The following GASK1B variants were observed in gnomAD, a reference collection of about 807,000 sequenced individuals.
GASK1B encodes golgi associated kinase 1B.
In GASK1B, 34 loss-of-function variants were observed where a neutral mutation model predicts 42.8. The ratio of observed to expected loss-of-function variants is 0.79; its 90% CI spans 0.60 to 1.06. The LOEUF is 1.06. GASK1B is among the 50% of genes least tolerant of loss of function. GASK1B has a pLI of 0.00. For synonymous variants in GASK1B, 262 were observed against 259.1 expected (o/e 1.01, Z -0.11); for missense variants, 686 against 661.0 (o/e 1.04, Z -0.42).
At chr4:158,151,921 G>T (rs1270844983) in intron 3 of GASK1B, among the ~76,000 whole-genome samples, 6 of 152,168 alleles carry the variant, frequency 3.9e-5, no homozygotes, top group Non-Finnish European at 8.8e-5. Context: ...GACTGGGAGA[G>T]GCAGACCCAC....
intron 3 of GASK1B, among the ~76,000 whole-genome samples, chr4:158,140,299 A>T (rs1014006420): frequency 6.6e-6 from 1 of 152,180 alleles, no homozygotes; most frequent in Non-Finnish European, 1.5e-5. Flanking sequence ...AGCTCCATAT[A>T]TCTCTTAGTG....
intron 4 of GASK1B, among the ~76,000 whole-genome samples, chr4:158,128,060 A>G (rs1180532428): frequency 2.6e-5 from 4 of 152,242 alleles, no homozygotes; most frequent in African/African-American, 9.6e-5. Flanking sequence ...TCAATAAAGT[A>G]TTCTGCCTGA....
At chr4:158,165,759 C>G (rs1237598304) in intron 2 of GASK1B, among the ~76,000 whole-genome samples, 1 of 152,146 alleles carries the variant, frequency 6.6e-6, no homozygotes, top group Non-Finnish European at 1.5e-5. Flanking sequence ...GTGTCAGAGA[C>G]AGAATTGGGC....
At chr4:158,164,040 G>A (rs1172292043) in intron 2 of GASK1B, among the ~76,000 whole-genome samples, 1 of 152,162 alleles carries the variant, frequency 6.6e-6, no homozygotes, top group Admixed American at 6.5e-5. Context: ...CCACTGAAGA[G>A]CCCACCTCCT....
At chr4:158,157,426 C>T (rs75982184) in intron 2 of GASK1B, among the ~76,000 whole-genome samples, 2 of 152,054 alleles carry the variant, frequency 1.3e-5, no homozygotes, top group East Asian at 3.9e-4. Context: ...GTGTATATCC[C>T]AAGTACCATG....
intron 2 of GASK1B, among the ~76,000 whole-genome samples, chr4:158,160,794 C>A (rs1351552743): frequency 1.1e-4 from 16 of 152,032 alleles, no homozygotes. Context: ...AGGGAGAAAT[C>A]CTGTCATTTG....
At chr4:158,159,618 A>G in intron 2 of GASK1B, 1 of 307,232 alleles carries the variant, frequency 3.3e-6, no homozygotes, top group South Asian at 2.5e-5. Flanking sequence ...AAGTGAAGAG[A>G]TAAAATTCTG....
rs17037180 is a variant in GASK1B, at chr4:158,157,435, T to C, written c.911-1610A>G. On this transcript the variant is annotated intron_variant, in intron 2 of 4. Coordinates refer to ENST00000585682, the MANE Select transcript of GASK1B (RefSeq NM_001128424.2). The stretch of plus-strand genomic sequence containing the variant: ...TTAAATGTGTATATCCCAAGTACCA[T>C]GCCAATTTATTTTAAAAGAATAAAT... 4.2e-3 allele frequency among the ~76,000 whole-genome samples: 636 copies of C among 152,244 alleles called. 3 individuals carry two copies. The highest frequency in any genetic ancestry group is 0.015 in the African/African-American group (607 of 41,552).
chr4:158,161,653 T>C (rs1291939373), intron 2 of GASK1B, among the ~76,000 whole-genome samples: 3 of 152,210 alleles, frequency 2.0e-5, no homozygotes, highest in Non-Finnish European at 4.4e-5. Flanking sequence ...CCTGTCTCAA[T>C]ATTCCACTTT....
At chr4:158,157,158 G>C (rs1731788260) in intron 2 of GASK1B, among the ~76,000 whole-genome samples, 1 of 152,064 alleles carries the variant, frequency 6.6e-6, no homozygotes, top group Admixed American at 6.6e-5. Context: ...TTGCATTCTA[G>C]TTCTGTTCAA....
chr4:158,143,981 A>C (rs1215193341), intron 3 of GASK1B, among the ~76,000 whole-genome samples: 1 of 152,268 alleles, frequency 6.6e-6, no homozygotes, highest in Non-Finnish European at 1.5e-5. Context: ...AAAATAGCCC[A>C]AACCCTTCTT....
chr4:158,150,619 T>C (rs1731521039), intron 3 of GASK1B, among the ~76,000 whole-genome samples: 1 of 152,182 alleles, frequency 6.6e-6, no homozygotes, highest in Non-Finnish European at 1.5e-5. Flanking sequence ...AATCCCAGAC[T>C]CTTCATAGTT....
chr4:158,155,967 T>C, intron 2 of GASK1B, 142 bp from the exon 3 acceptor site: 1 of 674,778 alleles, frequency 1.5e-6, no homozygotes. Context: ...ATGATCTCTT[T>C]GTCTTCTGGT....
chr4:158,133,272 A>C (rs1279824111), intron 3 of GASK1B, among the ~76,000 whole-genome samples: 1 of 152,194 alleles, frequency 6.6e-6, no homozygotes, highest in Admixed American at 6.5e-5. Context: ...TCATTGTTTT[A>C]TCTAGTTACA....
At chr4:158,163,836 T>A (rs2111012589) in intron 2 of GASK1B, among the ~76,000 whole-genome samples, 1 of 152,312 alleles carries the variant, frequency 6.6e-6, no homozygotes, top group East Asian at 1.9e-4. Context: ...CAAAGCTATT[T>A]AAATTACAAA....
rs373324742 is a variant in GASK1B at position 158,170,238 on chromosome 4, T to C, written c.910+228A>G. On this transcript the variant is annotated intron_variant, in intron 2 of 4. Transcript: ENST00000585682. ...AATGGAGAGCAAAGATTATACAGTA[T>C]GGGCTTACTCTTGCATGTCCAATAC... The C allele has an allele frequency of 3.7e-6, 6 of 1,613,932 alleles. No homozygotes were observed. The African/African-American group carries it at 5.3e-5, about 14-fold the overall frequency.
At chr4:158,151,816 T>C (rs530425806) in intron 3 of GASK1B, among the ~76,000 whole-genome samples, 32 of 152,202 alleles carry the variant, frequency 2.1e-4, no homozygotes, top group Admixed American at 6.5e-5. Context: ...ATGGTTAATG[T>C]TGAATGTCAA....
chr4:158,168,005 A>G (rs1732293299), intron 2 of GASK1B, among the ~76,000 whole-genome samples: 1 of 152,192 alleles, frequency 6.6e-6, no homozygotes, highest in African/African-American at 2.4e-5. Context: ...GTACTTTGCA[A>G]CACTGTAACA....
chr4:158,161,619 A>G (rs567974360), intron 2 of GASK1B, among the ~76,000 whole-genome samples: 101 of 152,356 alleles, frequency 6.6e-4, no homozygotes, highest in South Asian at 2.1e-3. Context: ...CTTCTGCTGT[A>G]TAAATGGAAA....
Sources: allele counts gnomAD v4.1 joint callset (sites outside exome capture counted in the v4.1 genomes callset), GRCh38; gene constraint gnomAD v4.1.1; transcripts MANE v1.5; gene names NCBI Gene and HGNC (gene_info 2026-07-23, HGNC 2026-07-21).